Variants in CEP112 observed in about 807,000 individuals in gnomAD.
The protein encoded by CEP112 is centrosomal protein of 112 kDa.
Under a neutral mutation model 153.0 loss-of-function variants are expected in CEP112, and 127 were observed. The ratio of observed to expected loss-of-function variants is 0.83; its 90% CI spans 0.72 to 0.96. CEP112 has a LOEUF of 0.96. Ranked by LOEUF, CEP112 falls within the 40% of genes least tolerant of loss-of-function variation. CEP112 has a pLI of 0.00. For synonymous variants in CEP112, 358 were observed against 374.4 expected, an observed-to-expected ratio of 0.96 and a Z score of 0.51; for missense variants, 1,089 against 1,101.2, an observed-to-expected ratio of 0.99 and a Z score of 0.16.
chr17:65,905,944 CAA>C (rs773446028), intron 19 of CEP112, among the ~76,000 whole-genome samples: 2 of 134,944 alleles, frequency 1.5e-5, no homozygotes, highest in African/African-American at 2.7e-5. Context: ...GACTCCGTCT[CAA>C]AAAAAAAAAA....
chr17:65,997,581 C>A (rs979222), intron 17 of CEP112, among the ~76,000 whole-genome samples: 151,965 of 152,342 alleles, frequency 1, 75,796 homozygotes, highest in Non-Finnish European at 1. Flanking sequence ...AACATAAATA[C>A]AATTTTTAAA....
chr17:65,867,895 G>A (rs2058535979), intron 20 of CEP112, among the ~76,000 whole-genome samples: 1 of 150,866 alleles, frequency 6.6e-6, no homozygotes, highest in South Asian at 2.1e-4. Context: ...AAGTAAAGGG[G>A]GAATGAAGTC....
At chr17:66,003,567 C>A (rs1314066669) in intron 17 of CEP112, among the ~76,000 whole-genome samples, 1 of 152,094 alleles carries the variant, frequency 6.6e-6, no homozygotes, top group Non-Finnish European at 1.5e-5. Flanking sequence ...CTTTTATTTC[C>A]TTTAGTATGA....
At chr17:65,772,326 T>C (rs1163313297) in intron 21 of CEP112, among the ~76,000 whole-genome samples, 2 of 152,030 alleles carry the variant, frequency 1.3e-5, no homozygotes, top group Non-Finnish European at 2.9e-5. Context: ...GCTGGTTCTT[T>C]AAGAACAATA....
intron 21 of CEP112, among the ~76,000 whole-genome samples, chr17:65,761,040 T>C (rs1011868608): frequency 2.0e-5 from 3 of 152,262 alleles, no homozygotes; most frequent in East Asian, 1.9e-4. Flanking sequence ...TAATTGATCA[T>C]AGTATTTATT....
At chr17:65,669,347 C>T (rs2046852195) in intron 24 of CEP112, among the ~76,000 whole-genome samples, 1 of 152,158 alleles carries the variant, frequency 6.6e-6, no homozygotes, top group African/African-American at 2.4e-5. Flanking sequence ...ATGAGCCAGA[C>T]TGAGAAGCAT....
chr17:66,149,884 G>GTTTT (rs1242689416), intron 4 of CEP112, among the ~76,000 whole-genome samples: 1,591 of 46,680 alleles, frequency 0.034, 134 homozygotes, highest in Admixed American at 0.04. Flanking sequence ...TTTTTTGTTT[G>GTTTT]TTTGTTTTTT....
At chr17:66,099,710 G>GA (rs1042632505) in intron 6 of CEP112, among the ~76,000 whole-genome samples, 9 of 151,890 alleles carry the variant, frequency 5.9e-5, no homozygotes, top group Admixed American at 3.9e-4. Context: ...ATCATGAACA[G>GA]AAAAAAAGAA....
At chr17:65,958,962 A>G (rs1056235727) in intron 18 of CEP112, among the ~76,000 whole-genome samples, 1 of 152,152 alleles carries the variant, frequency 6.6e-6, no homozygotes, top group Non-Finnish European at 1.5e-5. Context: ...TGTGGGGACA[A>G]CCAGCTGCAG....
At chr17:66,161,625 G>A (rs1244542786) in intron 4 of CEP112, among the ~76,000 whole-genome samples, 1 of 152,028 alleles carries the variant, frequency 6.6e-6, no homozygotes, top group Non-Finnish European at 1.5e-5. Context: ...ATAAGTGGGA[G>A]TTGAACATGA....
chr17:65,750,055 G>C (rs2145240042), intron 22 of CEP112, among the ~76,000 whole-genome samples: 1 of 152,246 alleles, frequency 6.6e-6, no homozygotes, highest in South Asian at 2.1e-4. Context: ...AACTTATGCT[G>C]AAAAAGTACT....
At chr17:66,057,864 G>A (rs1443274) in intron 11 of CEP112, among the ~76,000 whole-genome samples, 62,342 of 151,512 alleles carry the variant, frequency 0.41, 14,282 homozygotes, top group East Asian at 0.87. Flanking sequence ...AGGCCAAGGC[G>A]GAAGGATCAC....
intron 17 of CEP112, among the ~76,000 whole-genome samples, chr17:65,987,763 T>C (rs1331711437): frequency 3.9e-5 from 6 of 152,112 alleles, no homozygotes; most frequent in South Asian, 2.1e-4. Flanking sequence ...AGAACCACAC[T>C]TCCATGTATA....
chr17:65,826,879 T>C (rs2056862286), intron 21 of CEP112, among the ~76,000 whole-genome samples: 1 of 152,150 alleles, frequency 6.6e-6, no homozygotes, highest in Non-Finnish European at 1.5e-5. Context: ...CCTGGGTGTG[T>C]CTGTGAGGGT....
chr17:66,107,604 T>C (rs2068840902), intron 6 of CEP112, among the ~76,000 whole-genome samples: 1 of 151,752 alleles, frequency 6.6e-6, no homozygotes, highest in South Asian at 2.1e-4. Flanking sequence ...GAAAGATCAG[T>C]ACAACAAAAA....
intron 24 of CEP112, among the ~76,000 whole-genome samples, chr17:65,652,855 C>T (rs2045858519): frequency 6.6e-6 from 1 of 152,140 alleles, no homozygotes; most frequent in East Asian, 1.9e-4. Context: ...ATAGATTGAG[C>T]AGATTAATCA....
intron 21 of CEP112, chr17:65,750,938 A>C (rs2051807501): frequency 2.0e-6 from 1 of 500,408 alleles, no homozygotes; most frequent in Non-Finnish European, 3.5e-6. Flanking sequence ...ATTATTAGAC[A>C]AACATAAGAC....
chr17:65,943,524 T>C (rs1194922267), intron 18 of CEP112, among the ~76,000 whole-genome samples: 2 of 152,228 alleles, frequency 1.3e-5, no homozygotes, highest in Non-Finnish European at 2.9e-5. Context: ...TTTAAGAATG[T>C]TGAATATTGG....
chr17:65,830,696 A>G (rs2057038599), intron 21 of CEP112, among the ~76,000 whole-genome samples: 1 of 152,202 alleles, frequency 6.6e-6, no homozygotes, highest in Admixed American at 6.5e-5. Context: ...ACAAACCCCA[A>G]CTGCTCTATG....
Sources: allele counts gnomAD v4.1 joint callset (sites outside exome capture counted in the v4.1 genomes callset), GRCh38; gene constraint gnomAD v4.1.1; transcripts MANE v1.5; gene names NCBI Gene and HGNC (gene_info 2026-07-23, HGNC 2026-07-21).